The following PDE11A variants were observed in gnomAD, a reference collection of about 807,000 sequenced individuals.
PDE11A encodes phosphodiesterase 11A, also known as dual 3',5'-cyclic-AMP and -GMP phosphodiesterase 11A.
PDE11A carries 100 observed loss-of-function variants against 100.5 expected under a neutral mutation model. The observed-to-expected ratio is 1.00, with a 90% CI of 0.85 to 1.18. The LOEUF (loss-of-function observed/expected upper bound fraction) is 1.18, where lower values mean the gene tolerates loss of function less well. Among genes scored for constraint, PDE11A ranks in the 50% most tolerant of loss-of-function variants. The pLI, the probability that PDE11A is intolerant of heterozygous loss-of-function variation, is 0.00. For synonymous variants in PDE11A, 381 were observed against 420.8 expected, an observed-to-expected ratio of 0.91 and a Z score of 1.16; for missense variants, 1,141 against 1,152.6, an observed-to-expected ratio of 0.99 and a Z score of 0.15.
chr2:177,813,129 T>C (rs1163207244), intron 9 of PDE11A, among the ~76,000 whole-genome samples: 2 of 98,940 alleles, frequency 2.0e-5, no homozygotes, highest in Non-Finnish European at 4.1e-5. Context: ...TGCTGGCTTA[T>C]CCCTTTTAAA....
At chr2:177,678,690 G>A (rs1216659261) in intron 16 of PDE11A, among the ~76,000 whole-genome samples, 2 of 152,270 alleles carry the variant, frequency 1.3e-5, no homozygotes, top group South Asian at 2.1e-4. Flanking sequence ...GCAGATGAGG[G>A]GAGAGGGGAG....
At chr2:178,081,193 A>G (rs2087280948) in intron 2 of PDE11A, among the ~76,000 whole-genome samples, 1 of 152,216 alleles carries the variant, frequency 6.6e-6, no homozygotes, top group South Asian at 2.1e-4. Context: ...GAATTAATAA[A>G]GACAGAACCT....
upstream of PDE11A, among the ~76,000 whole-genome samples, chr2:178,073,796 G>T (rs953824885): frequency 3.8e-4 from 58 of 152,100 alleles, no homozygotes; most frequent in African/African-American, 1.3e-3. Flanking sequence ...GGACTCACAA[G>T]TGCCTATTTT....
chr2:177,642,992 T>C (rs2080166623), intron 19 of PDE11A, among the ~76,000 whole-genome samples: 1 of 152,230 alleles, frequency 6.6e-6, no homozygotes, highest in African/African-American at 2.4e-5. Flanking sequence ...TCCTCCTCCT[T>C]GTCTTCCACC....
At chr2:177,964,437 G>A (rs568196921) in intron 2 of PDE11A, among the ~76,000 whole-genome samples, 25 of 152,064 alleles carry the variant, frequency 1.6e-4, no homozygotes, top group African/African-American at 5.8e-4. Flanking sequence ...TTTGTTACAT[G>A]GGTAAATTGC....
intron 5 of PDE11A, among the ~76,000 whole-genome samples, chr2:177,851,114 T>C (rs1202722464): frequency 3.3e-5 from 5 of 152,046 alleles, no homozygotes; most frequent in African/African-American, 4.8e-5. Flanking sequence ...CTATTCACAA[T>C]AGCAAAGACT....
At chr2:177,710,309 T>C (rs1422442104) in intron 13 of PDE11A, among the ~76,000 whole-genome samples, 1 of 150,690 alleles carries the variant, frequency 6.6e-6, no homozygotes, top group Non-Finnish European at 1.5e-5. Flanking sequence ...TCTCGATTGA[T>C]GGCCTCAATT....
At chr2:177,752,013 G>A (rs943346328) in intron 10 of PDE11A, among the ~76,000 whole-genome samples, 15 of 152,106 alleles carry the variant, frequency 9.9e-5, no homozygotes, top group Non-Finnish European at 1.5e-5. Flanking sequence ...TCTAGTGATG[G>A]TGATGGCCAA....
At chr2:177,629,714 G>T in intron 19 of PDE11A, 152 bp from the exon 20 acceptor site, 1 of 782,382 alleles carries the variant, frequency 1.3e-6, no homozygotes, top group Non-Finnish European at 2.2e-6. Flanking sequence ...TTTACAAGAA[G>T]TAAATATGCA....
chr2:177,998,274 A>T, intron 2 of PDE11A: 1 of 826,998 alleles, frequency 1.2e-6, no homozygotes, highest in South Asian at 1.3e-5. Context: ...CTTTGTTAAT[A>T]CTTCATCTGG....
chr2:178,015,928 G>C (rs1161308029), intron 1 of PDE11A, among the ~76,000 whole-genome samples: 2 of 152,058 alleles, frequency 1.3e-5, no homozygotes, highest in African/African-American at 4.8e-5. Flanking sequence ...TGTACCTTCT[G>C]CACACCCCTG....
chr2:177,752,245 G>A (rs1262758800), intron 10 of PDE11A, among the ~76,000 whole-genome samples: 2 of 152,174 alleles, frequency 1.3e-5, no homozygotes, highest in Non-Finnish European at 2.9e-5. Flanking sequence ...AACAGAAGAA[G>A]GGTTAATGCT....
intron 10 of PDE11A, among the ~76,000 whole-genome samples, chr2:177,728,535 A>G (rs1046027056): frequency 6.6e-6 from 1 of 152,208 alleles, no homozygotes; most frequent in Non-Finnish European, 1.5e-5. Flanking sequence ...ACATCTGGGC[A>G]GCCAGCAGCT....
chr2:177,689,461 G>T (rs982460224), intron 15 of PDE11A, among the ~76,000 whole-genome samples: 2 of 152,046 alleles, frequency 1.3e-5, no homozygotes, highest in African/African-American at 4.8e-5. Context: ...CGGTGAGTGG[G>T]TGCTTTTGGT....
intron 1 of PDE11A, among the ~76,000 whole-genome samples, chr2:178,023,708 T>C (rs2086442339): frequency 6.6e-6 from 1 of 152,202 alleles, no homozygotes; most frequent in Non-Finnish European, 1.5e-5. Context: ...TGAACATACT[T>C]ATGAGGAAAT....
intron 5 of PDE11A, among the ~76,000 whole-genome samples, chr2:177,870,730 TTTCTTAA>T (rs2084116359): frequency 6.6e-6 from 1 of 152,210 alleles, no homozygotes; most frequent in Admixed American, 6.5e-5. Context: ...CCTGGACATA[TTTCTTAA>T]TTCTTATCTG....
At chr2:177,945,697 G>A (rs1414809573) in intron 2 of PDE11A, among the ~76,000 whole-genome samples, 8 of 151,990 alleles carry the variant, frequency 5.3e-5, no homozygotes, top group Admixed American at 1.3e-4. Context: ...GAGCGTCTCC[G>A]CCCGGCAGCC....
rs181555864 is a variant in PDE11A, at chr2:177,947,327, C to T, written c.1072-42140G>A. The stretch of plus-strand genomic sequence containing the variant: ...ATGGCGGCTTTGTGGAATAGAAAGG[C>T]GGGAAAGGTGGGCAAAAGATTGAGA... On this transcript the variant is annotated intron_variant, in intron 2 of 19. Transcript: ENST00000286063. 9.7e-3 allele frequency among the ~76,000 whole-genome samples: 1,435 copies of T among 148,646 alleles called. 36 individuals are homozygous for T. The highest frequency in any genetic ancestry group is 0.034 in the African/African-American group (1,378 of 40,144).
At chr2:177,788,670 G>A (rs2082578604) in intron 9 of PDE11A, among the ~76,000 whole-genome samples, 1 of 150,264 alleles carries the variant, frequency 6.7e-6, no homozygotes, top group Admixed American at 6.6e-5. Context: ...AAAGAGAGAA[G>A]AATCAAATAG....
Sources: allele counts gnomAD v4.1 joint callset (sites outside exome capture counted in the v4.1 genomes callset), GRCh38; gene constraint gnomAD v4.1.1; transcripts MANE v1.5; gene names NCBI Gene and HGNC (gene_info 2026-07-23, HGNC 2026-07-21).